The following ERBB4 variants were observed in gnomAD, a reference collection of about 807,000 sequenced individuals.
ERBB4 encodes erb-b2 receptor tyrosine kinase 4.
ERBB4 carries 42 observed loss-of-function variants against 158.0 expected under a neutral mutation model. That is an observed-to-expected ratio of 0.27 (90% CI 0.21 to 0.34). The LOEUF (loss-of-function observed/expected upper bound fraction) is 0.34. Among genes scored for constraint, ERBB4 ranks in the 10% least tolerant of loss-of-function variants. The pLI, the probability that ERBB4 is intolerant of heterozygous loss-of-function variation, is 1.00. For synonymous variants in ERBB4, 583 were observed against 558.7 expected (o/e 1.04, Z -0.61); for missense variants, 1,333 against 1,624.1 (o/e 0.82, Z 3.08).
rs1163228979 is a variant in ERBB4, at chr2:211,422,045, T to C, written c.2926A>G (p.Arg976Gly). 2 of 1,612,348 alleles carry C rather than the reference T, an allele frequency of 1.2e-6. No homozygotes were observed. Among genetic ancestry groups the C allele is most frequent in the Non-Finnish European group, 8.5e-7 (1 of 1,178,672 alleles). ...KFKELAAEFS[R>G]MARDPQRYLV... ...TATCTTTGAGGGTCTCGAGCCATCC[T>C]TGAAAACTCAGCAGCCAGTTCCTTA... is the stretch of plus-strand genomic sequence containing the variant. The change falls in exon 24 of 28, where the codon AGG (arginine) becomes GGG (glycine). Residue 976 changes from arginine (R) to glycine (G), a missense_variant. By Grantham distance (125) the Arg-to-Gly change is moderately radical. Around this residue, in one of 5 missense-constraint regions of ERBB4, gnomAD observed 314 missense variants for 437.6 expected, o/e 0.72. Transcript: ENST00000342788.
chr2:211,458,112 C>G (rs1041045633), intron 20 of ERBB4, among the ~76,000 whole-genome samples: 3 of 152,070 alleles, frequency 2.0e-5, no homozygotes, highest in Non-Finnish European at 2.9e-5. Context: ...ATATATCACT[C>G]TATATATCTT....
At chr2:212,073,967 A>G (rs2078202022) in intron 2 of ERBB4, among the ~76,000 whole-genome samples, 1 of 152,056 alleles carries the variant, frequency 6.6e-6, no homozygotes, top group Admixed American at 6.6e-5. Context: ...ACTGAAAATG[A>G]TCGAGAAAGT....
intron 1 of ERBB4, among the ~76,000 whole-genome samples, chr2:212,156,204 T>C (rs1427068486): frequency 1.3e-5 from 2 of 151,982 alleles, no homozygotes; most frequent in African/African-American, 4.8e-5. Flanking sequence ...TGAAAGGACA[T>C]ATATGTGGGA....
At chr2:212,204,473 T>C (rs1432707860) in intron 1 of ERBB4, among the ~76,000 whole-genome samples, 1 of 152,036 alleles carries the variant, frequency 6.6e-6, no homozygotes, top group Non-Finnish European at 1.5e-5. Context: ...CAAGACAGGC[T>C]GATCATTTGA....
At position 211,639,126 on chromosome 2, in the gene ERBB4, C is replaced by T. The variant is rs111856674; in HGVS notation, c.1947-8532G>A. Among the ~76,000 whole-genome samples the T allele has an allele frequency of 3.9e-3, 587 of 152,062 alleles. 4 individuals carry two copies. The highest frequency in any genetic ancestry group is 0.013 in the African/African-American group (534 of 41,496). ...TTATTAATTCTTCCACAGTTTATAC[C>T]TATTATACAATATCATATATCTATA... is the stretch of plus-strand genomic sequence containing the variant. On this transcript the variant is annotated intron_variant, in intron 16 of 27. Transcript: ENST00000342788.
rs186647183 is a variant in ERBB4, at chr2:211,585,136, A to C, written c.2302-23048T>G. Among the ~76,000 whole-genome samples, 724 of 152,184 alleles carry C rather than the reference A, an allele frequency of 4.8e-3. 5 individuals carry two copies. The highest frequency in any genetic ancestry group is 0.017 in the African/African-American group (689 of 41,516). Reference sequence around the variant, plus strand: ...AGGAGGCCGAGGCGGGCGGATCACGAAGTCAGGAGATCGAGACCATCCTGG... The same window carrying C: ...AGGAGGCCGAGGCGGGCGGATCACGCAGTCAGGAGATCGAGACCATCCTGG... On this transcript the variant is annotated intron_variant, in intron 19 of 27. Transcript: ENST00000342788.
In ERBB4 at chr2:211,750,689, T is replaced by A; in HGVS notation, c.572A>T (p.Lys191Met). ...TCCCCAGCAACGGCCAGTACAGGACTTATGGCAACGTCCACCTGCAGAACA... is the reference window on the plus strand; with the variant it reads ...TCCCCAGCAACGGCCAGTACAGGACATATGGCAACGTCCACCTGCAGAACA... ...NGSSGCGRCH[K>M]SCTGRCWGPT... The change falls in exon 5 of 28, where the codon AAG becomes ATG. Residue 191 changes from lysine to methionine, a missense_variant. By Grantham distance (95) the Lys-to-Met change is moderately conservative. This residue lies in a region of ERBB4 where 438 missense variants were observed against 586.9 expected (regional missense o/e 0.75). Transcript: ENST00000342788. 2 of 1,613,984 alleles carry A rather than the reference T, an allele frequency of 1.2e-6. No individual in the cohort carries two copies. The highest frequency in any genetic ancestry group is 1.7e-6 in the Non-Finnish European group (2 of 1,179,898).
intron 1 of ERBB4, among the ~76,000 whole-genome samples, chr2:212,179,676 A>G (rs1317356928): frequency 6.6e-6 from 1 of 151,574 alleles, no homozygotes; most frequent in Admixed American, 6.6e-5. Flanking sequence ...ACAAGTGCTA[A>G]TATGAATGTA....
chr2:211,824,444 T>A (rs889066087), intron 3 of ERBB4, among the ~76,000 whole-genome samples: 4 of 152,002 alleles, frequency 2.6e-5, no homozygotes, highest in African/African-American at 9.7e-5. Flanking sequence ...ACGCTTCAAA[T>A]CATACCATTT....
At chr2:211,849,375 T>G (rs1335411456) in intron 3 of ERBB4, among the ~76,000 whole-genome samples, 1 of 152,140 alleles carries the variant, frequency 6.6e-6, no homozygotes, top group South Asian at 2.1e-4. Context: ...TTGTATATGA[T>G]TTGAAGTTTG....
chr2:211,739,229 C>G (rs962323348), intron 5 of ERBB4, among the ~76,000 whole-genome samples: 1 of 151,810 alleles, frequency 6.6e-6, no homozygotes, highest in African/African-American at 2.4e-5. Context: ...GCCATTTATT[C>G]ATACTCTCTT....
intron 2 of ERBB4, among the ~76,000 whole-genome samples, chr2:212,052,927 C>T (rs1410001131): frequency 1.3e-5 from 2 of 152,194 alleles, no homozygotes; most frequent in Non-Finnish European, 2.9e-5. Context: ...AGCTTTCTTT[C>T]CTGACAATAC....
intron 1 of ERBB4, among the ~76,000 whole-genome samples, chr2:212,344,597 T>C (rs1255045747): frequency 1.8e-5 from 2 of 109,976 alleles, no homozygotes; most frequent in Non-Finnish European, 3.7e-5. Context: ...GTCTTGGTAA[T>C]TTCGTAATAC....
chr2:212,380,200 T>C (rs1454773727), intron 1 of ERBB4, among the ~76,000 whole-genome samples: 4 of 151,312 alleles, frequency 2.6e-5, no homozygotes, highest in African/African-American at 7.3e-5. Context: ...GATTAGTAAA[T>C]AGAAAATATT....
chr2:211,612,126 C>T (rs2069223108), intron 19 of ERBB4, among the ~76,000 whole-genome samples: 1 of 151,884 alleles, frequency 6.6e-6, no homozygotes, highest in Admixed American at 6.6e-5. Context: ...AAAATTATTC[C>T]AACTACAATA....
In ERBB4 at chr2:211,505,973, A is replaced by AAAAAAT. The variant is rs1553551374; in HGVS notation, c.2487+55929_2487+55930insATTTTT. Among the ~76,000 whole-genome samples the AAAAAAT allele has an allele frequency of 3.7e-3, 568 of 151,796 alleles. 4 individuals carry two copies. The highest frequency in any genetic ancestry group is 0.013 in the African/African-American group (543 of 41,414). ...AGACTCCATCTCAAAAAAAAAAAAA[A>AAAAAAT]AAAGTTATAGACAGGTAAACTGGAT... On this transcript the variant is annotated intron_variant, in intron 20 of 27. Transcript: ENST00000342788.
At chr2:212,316,215 AT>A (rs900552826) in intron 1 of ERBB4, among the ~76,000 whole-genome samples, 1 of 151,108 alleles carries the variant, frequency 6.6e-6, no homozygotes, top group South Asian at 2.1e-4. Context: ...TTTTTGGATG[AT>A]TTTTTTTCTG....
rs1016559991 is a variant in ERBB4 at position 212,083,147 on chromosome 2, T to A, written c.234+41605A>T. Among the ~76,000 whole-genome samples the A allele has an allele frequency of 5.3e-5, 8 of 151,984 alleles. 1 individual carries two copies. The East Asian group carries it at 1.5e-3, about 29-fold the overall frequency. ...GCAGTATGGATATACGGAGATCAAA[T>A]TATGTCAAACAAACCTGATTGCTTT... On this transcript the variant is annotated intron_variant, in intron 2 of 27. Transcript: ENST00000342788.
intron 14 of ERBB4, among the ~76,000 whole-genome samples, chr2:211,670,222 C>T (rs963578623): frequency 4.6e-5 from 7 of 152,198 alleles, no homozygotes; most frequent in African/African-American, 1.7e-4. Context: ...GGCCCAGAAA[C>T]AGGCAAAAAC....
Sources: gnomAD v4.1 joint callset for allele counts (sites outside exome capture counted in the v4.1 genomes callset) on GRCh38, gnomAD v4.1.1 for gene constraint, gnomAD v4.1.1 regional missense constraint, MANE v1.5 for transcripts, NCBI Gene and HGNC (gene_info 2026-07-23, HGNC 2026-07-21) for gene names.